Variants in PCDHA7 observed in about 807,000 individuals in gnomAD.
PCDHA7 encodes the protein protocadherin alpha-7.
PCDHA7 carries 37 observed loss-of-function variants against 57.2 expected under a neutral mutation model. The observed-to-expected ratio is 0.65, with a 90% CI of 0.50 to 0.85. The LOEUF (loss-of-function observed/expected upper bound fraction) is 0.85, where lower values mean the gene tolerates loss of function less well. PCDHA7 is among the 40% of genes least tolerant of loss of function. The pLI, the probability that PCDHA7 is intolerant of heterozygous loss-of-function variation, is 0.00. For missense variants in PCDHA7, 1,188 were observed against 1,241.8 expected (o/e 0.96, Z 0.65); for synonymous variants, 553 against 558.8 (o/e 0.99, Z 0.15).
At chr5:140,843,925 C>A in intron 1 of PCDHA7, 1 of 594,474 alleles carries the variant, frequency 1.7e-6, no homozygotes, top group Non-Finnish European at 2.9e-6. Flanking sequence ...TCTTGAAACT[C>A]AAGTTATGGT....
At chr5:140,895,026 A>G (rs549013601) in intron 1 of PCDHA7, among the ~76,000 whole-genome samples, 5 of 152,096 alleles carry the variant, frequency 3.3e-5, no homozygotes, top group African/African-American at 1.2e-4. Flanking sequence ...CCTTTGTTTA[A>G]TTGTCCCCCA....
chr5:140,850,377 A>G (rs2150481518), intron 1 of PCDHA7: 3 of 1,597,876 alleles, frequency 1.9e-6, no homozygotes, highest in Middle Eastern at 1.7e-4. Context: ...GGGGCTGTAC[A>G]CGGGCGAGAT....
chr5:140,839,429 G>A (rs1462017919), intron 1 of PCDHA7, among the ~76,000 whole-genome samples: 4 of 151,864 alleles, frequency 2.6e-5, no homozygotes, highest in Non-Finnish European at 4.4e-5. Context: ...TCACTCTGTA[G>A]CCCAGACTGC....
intron 3 of PCDHA7, among the ~76,000 whole-genome samples, chr5:140,990,304 A>T (rs114506238): frequency 3.9e-5 from 6 of 152,286 alleles, no homozygotes; most frequent in Non-Finnish European, 8.8e-5. Context: ...CATTGTCTGT[A>T]AAAAACCAAC....
chr5:140,870,763 G>T (rs1386684596), intron 1 of PCDHA7: 1 of 1,613,434 alleles, frequency 6.2e-7, no homozygotes, highest in African/African-American at 1.3e-5. Context: ...GCAGGTGTTC[G>T]TGCTGGACGA....
At chr5:140,900,538 A>G (rs1341812228) in intron 1 of PCDHA7, among the ~76,000 whole-genome samples, 1 of 152,162 alleles carries the variant, frequency 6.6e-6, no homozygotes, top group Non-Finnish European at 1.5e-5. Context: ...CGGCTTTCCA[A>G]AGTGCTGGGA....
chr5:140,850,318 C>T lies in PCDHA7; in HGVS notation c.2355+13580C>T, dbSNP rs1306863704. On this transcript the variant is annotated intron_variant, in intron 1 of 3. Transcript: ENST00000525929. ...GACTCGGGCTACAACGCGTGGCTTT[C>T]ATACGAGCTGCAGCCAGAAACGGCC... The T allele has an allele frequency of 4.4e-6, 7 of 1,597,384 alleles. 1 individual carries two copies. In the African/African-American group the frequency reaches 5.4e-5, roughly 12 times the overall value.
intron 1 of PCDHA7, chr5:140,857,719 G>A (rs781995177): frequency 6.3e-7 from 1 of 1,597,526 alleles, no homozygotes. Flanking sequence ...TGCTGGACGA[G>A]AACGACAACG....
chr5:140,917,417 C>G (rs1163543772), intron 1 of PCDHA7, among the ~76,000 whole-genome samples: 2 of 152,082 alleles, frequency 1.3e-5, no homozygotes, highest in African/African-American at 2.4e-5. Flanking sequence ...TAATTAGGCC[C>G]CATTTGCCAA....
intron 1 of PCDHA7, among the ~76,000 whole-genome samples, chr5:140,957,916 T>C (rs1554223208): frequency 6.6e-6 from 1 of 152,114 alleles, no homozygotes; most frequent in African/African-American, 2.4e-5. Context: ...TTGTTATCTA[T>C]GTATCAAGCT....
rs2150251706 is a variant in PCDHA7 at position 140,836,063 on chromosome 5, C to T, written c.1680C>T (p.Asp560=). 1 of 1,613,542 alleles carries T rather than the reference C, an allele frequency of 6.2e-7. No individual in the cohort carries two copies. The highest frequency in any genetic ancestry group is 2.2e-5 in the East Asian group (1 of 44,882). ...AGGTGTTCGTGCTGGACGAGAACGACAACGCGCCGGCACTGCTGGCGCCTC... is the reference window on the plus strand; with the variant it reads ...AGGTGTTCGTGCTGGACGAGAACGATAACGCGCCGGCACTGCTGGCGCCTC... The part of the protein sequence containing the change: ...TLQVFVLDEN[D]NAPALLAPRV... The change falls in exon 1 of 4, where the codon GAC becomes GAT. Residue 560 remains aspartate, a synonymous_variant. Coordinates refer to ENST00000525929, the MANE Select transcript of PCDHA7 (RefSeq NM_018910.3).
rs1554144120 is a variant in PCDHA7, at chr5:140,850,272, A to G, written c.2355+13534A>G. 1.2e-5 allele frequency: 19 copies of G among 1,594,612 alleles called. 2 individuals carry two copies. The highest frequency in any genetic ancestry group is 7.7e-6 in the Non-Finnish European group (9 of 1,167,372). Reference sequence around the variant, plus strand: ...GGTGGGCGCCGGCGTAGTGGTGGGGAAGGTGCGCGCAGTGGACGCCGACTC... The same window carrying G: ...GGTGGGCGCCGGCGTAGTGGTGGGGGAGGTGCGCGCAGTGGACGCCGACTC... On this transcript the variant is annotated intron_variant, in intron 1 of 3. Transcript: ENST00000525929.
intron 3 of PCDHA7, among the ~76,000 whole-genome samples, chr5:140,994,027 A>G (rs1237081548): frequency 2.6e-5 from 4 of 152,234 alleles, no homozygotes; most frequent in Non-Finnish European, 2.9e-5. Context: ...TGCAGATATA[A>G]TATTAAATAT....
chr5:140,904,416 A>T (rs930452191), intron 1 of PCDHA7, among the ~76,000 whole-genome samples: 1 of 150,980 alleles, frequency 6.6e-6, no homozygotes, highest in Non-Finnish European at 1.5e-5. Context: ...TATATAATAC[A>T]TATATTTTAT....
At chr5:140,887,984 A>G (rs2061657027) in intron 1 of PCDHA7, among the ~76,000 whole-genome samples, 1 of 152,178 alleles carries the variant, frequency 6.6e-6, no homozygotes, top group Admixed American at 6.5e-5. Context: ...TTTATTTTAC[A>G]TGTCTCCACC....
rs563512273 is a variant in PCDHA7 at position 140,921,751 on chromosome 5, A to G, written c.2356-57198A>G. Among the ~76,000 whole-genome samples, 11 of 152,290 alleles carry G rather than the reference A, an allele frequency of 7.2e-5. No homozygotes were observed. The East Asian group carries it at 7.7e-4, about 11-fold the overall frequency. On this transcript the variant is annotated intron_variant, in intron 1 of 3. Coordinates refer to ENST00000525929, the MANE Select transcript of PCDHA7 (RefSeq NM_018910.3). ...ATAAAAATTATAAGCATAACAGGAC[A>G]CTTCTTGGCTACTATTCAATACTGA...
intron 1 of PCDHA7, chr5:140,871,547 A>T: frequency 6.7e-7 from 1 of 1,498,966 alleles, no homozygotes; most frequent in Non-Finnish European, 8.9e-7. Flanking sequence ...AATTATTTAA[A>T]ATCCAGTTTT....
chr5:140,856,591 T>G (rs1554148896), intron 1 of PCDHA7: 1 of 1,597,268 alleles, frequency 6.3e-7, no homozygotes, highest in African/African-American at 1.3e-5. Flanking sequence ...TTCTTGATAT[T>G]ATAAACAAAA....
chr5:140,887,258 T>G (rs934733001), intron 1 of PCDHA7, among the ~76,000 whole-genome samples: 4 of 151,924 alleles, frequency 2.6e-5, no homozygotes, highest in East Asian at 1.9e-4. Context: ...CACCACGCCC[T>G]GCTAATTTTT....
Sources: allele counts gnomAD v4.1 joint callset (sites outside exome capture counted in the v4.1 genomes callset), GRCh38; gene constraint gnomAD v4.1.1; transcripts MANE v1.5; gene names NCBI Gene and HGNC (gene_info 2026-07-23, HGNC 2026-07-21).